Variants in ADK observed in about 807,000 individuals in gnomAD.
The protein encoded by ADK is adenosine kinase, also known as N6,N6-dimethyladenosine kinase.
A neutral mutation model predicts 44.7 loss-of-function variants in ADK; 24 were observed. The ratio of observed to expected loss-of-function variants is 0.54; its 90% confidence interval spans 0.39 to 0.76. The LOEUF (loss-of-function observed/expected upper bound fraction) is 0.76, where lower values mean the gene tolerates loss of function less well. ADK is among the 30% of genes least tolerant of loss of function. The probability of loss-of-function intolerance (pLI) is 0.00; values close to 1 mark genes in which losing one functional copy is unlikely to be tolerated. For missense variants in ADK, 321 were observed against 425.1 expected, an observed-to-expected ratio of 0.76 and a Z score of 2.15; for synonymous variants, 128 against 142.6, an observed-to-expected ratio of 0.90 and a Z score of 0.73.
At chr10:74,186,447 TTTTTTTGTA>T (rs1157606734) in intron 1 of ADK, among the ~76,000 whole-genome samples, 1 of 151,786 alleles carries the variant, frequency 6.6e-6, no homozygotes, top group Non-Finnish European at 1.5e-5. Context: ...GCCTGGCTAT[TTTTTTTGTA>T]TTTTTTGTAA....
intron 8 of ADK, among the ~76,000 whole-genome samples, chr10:74,597,064 A>G (rs1851951066): frequency 6.6e-6 from 1 of 152,230 alleles, no homozygotes; most frequent in Non-Finnish European, 1.5e-5. Flanking sequence ...TGAATGTTCC[A>G]TATTCAAAAC....
chr10:74,549,434 A>T lies in ADK; in HGVS notation c.726+24008A>T, dbSNP rs370938819. On this transcript the variant is annotated intron_variant, in intron 7 of 10. Transcript: ENST00000539909. The stretch of plus-strand genomic sequence containing the variant: ...TTACTTACTAGATTGTAAATTAATT[A>T]ATTTATTTATTTATTTAGAGACAGG... Among the ~76,000 whole-genome samples the T allele has an allele frequency of 5.7e-4, 87 of 152,218 alleles. 1 individual carries two copies. The highest frequency in any genetic ancestry group is 6.8e-3 in the Middle Eastern group (2 of 294).
intron 5 of ADK, among the ~76,000 whole-genome samples, chr10:74,398,235 G>A (rs956889932): frequency 1.3e-5 from 2 of 152,094 alleles, no homozygotes; most frequent in Admixed American, 6.5e-5. Flanking sequence ...CAACTTAAAT[G>A]CCAATTTCTT....
intron 9 of ADK, among the ~76,000 whole-genome samples, chr10:74,620,095 T>C (rs1432349781): frequency 6.6e-6 from 1 of 152,196 alleles, no homozygotes; most frequent in East Asian, 1.9e-4. Context: ...ATCTCAAACA[T>C]TTATCATTTC....
intron 9 of ADK, among the ~76,000 whole-genome samples, chr10:74,632,785 A>G (rs1356757660): frequency 6.6e-6 from 1 of 152,208 alleles, no homozygotes; most frequent in African/African-American, 2.4e-5. Flanking sequence ...ACATATAGAG[A>G]TACAACATTT....
intron 3 of ADK, among the ~76,000 whole-genome samples, chr10:74,310,518 G>C (rs570416906): frequency 1.3e-5 from 2 of 151,916 alleles, no homozygotes; most frequent in Non-Finnish European, 2.9e-5. Flanking sequence ...ATCACATCCT[G>C]TGTCTTCAAC....
chr10:74,335,111 C>T (rs926014793), intron 4 of ADK, among the ~76,000 whole-genome samples: 1 of 152,202 alleles, frequency 6.6e-6, no homozygotes, highest in South Asian at 2.1e-4. Context: ...TGATGCAACC[C>T]TCACATTTGT....
At position 74,219,637 on chromosome 10, in the gene ADK, A is replaced by G. The variant is rs1591877604; in HGVS notation, c.141-4901A>G. ...GTTGGAAGTAAAGCTCTCCTCAGCAAATGTAAAAGAACAGAAATTATAACA... is the reference window on the plus strand; with the variant it reads ...GTTGGAAGTAAAGCTCTCCTCAGCAGATGTAAAAGAACAGAAATTATAACA... On this transcript the variant is annotated intron_variant, in intron 2 of 10. Coordinates refer to ENST00000539909, the MANE Select transcript of ADK (RefSeq NM_006721.4). Among the ~76,000 whole-genome samples, 11 of 152,248 alleles carry G rather than the reference A, an allele frequency of 7.2e-5. 1 individual carries two copies. In the South Asian group the frequency reaches 2.3e-3, roughly 32 times the overall value.
chr10:74,519,152 G>A (rs1359504787), intron 6 of ADK, among the ~76,000 whole-genome samples: 1 of 151,740 alleles, frequency 6.6e-6, no homozygotes, highest in African/African-American at 2.4e-5. Flanking sequence ...AAAATTATTA[G>A]ATTTTAACCT....
At chr10:74,490,007 A>G (rs1312120988) in intron 6 of ADK, among the ~76,000 whole-genome samples, 2 of 117,340 alleles carry the variant, frequency 1.7e-5, no homozygotes, top group Non-Finnish European at 3.9e-5. Context: ...TTTTATCTTT[A>G]ATAGTGTTTG....
intron 6 of ADK, among the ~76,000 whole-genome samples, chr10:74,480,737 G>A (rs995636530): frequency 6.6e-6 from 1 of 151,556 alleles, no homozygotes; most frequent in Non-Finnish European, 1.5e-5. Context: ...TTCCAGGTAT[G>A]CAATAATAAG....
At chr10:74,521,726 C>T (rs2133597745) in intron 6 of ADK, among the ~76,000 whole-genome samples, 1 of 152,296 alleles carries the variant, frequency 6.6e-6, no homozygotes, top group African/African-American at 2.4e-5. Flanking sequence ...GCTGTATAAA[C>T]TGTTCGTTTT....
chr10:74,324,338 A>G lies in ADK; in HGVS notation c.273+9593A>G, dbSNP rs542609755. On this transcript the variant is annotated intron_variant, in intron 4 of 10. Transcript: ENST00000539909. ...AGCCACTGTGCACAGCCTTTCACCA[A>G]TTGTCAAAAACTTATTCATGTATGT... 5.9e-5 allele frequency among the ~76,000 whole-genome samples: 9 copies of G among 152,246 alleles called. 1 individual carries two copies. In the South Asian group the frequency reaches 1.7e-3, roughly 28 times the overall value.
At chr10:74,199,442 T>C (rs1843292397) in intron 1 of ADK, among the ~76,000 whole-genome samples, 1 of 152,190 alleles carries the variant, frequency 6.6e-6, no homozygotes, top group South Asian at 2.1e-4. Context: ...AAACATGTGA[T>C]ATTTGGCTTT....
At chr10:74,424,964 C>A (rs1844739733) in intron 6 of ADK, among the ~76,000 whole-genome samples, 2 of 152,186 alleles carry the variant, frequency 1.3e-5, no homozygotes, top group South Asian at 4.2e-4. Flanking sequence ...TTGTGCCTAG[C>A]CTAATATTTA....
intron 8 of ADK, among the ~76,000 whole-genome samples, chr10:74,592,529 C>T (rs1851759009): frequency 6.6e-6 from 1 of 152,070 alleles, no homozygotes; most frequent in Non-Finnish European, 1.5e-5. Flanking sequence ...AGAATTCATA[C>T]CTTCTCTATT....
intron 10 of ADK, among the ~76,000 whole-genome samples, chr10:74,680,085 C>A (rs1166684170): frequency 6.6e-6 from 1 of 152,046 alleles, no homozygotes; most frequent in African/African-American, 2.4e-5. Context: ...GAGGCCAAGA[C>A]GGGCAGATCA....
At chr10:74,222,448 T>A (rs1844348703) in intron 2 of ADK, among the ~76,000 whole-genome samples, 1 of 151,726 alleles carries the variant, frequency 6.6e-6, no homozygotes, top group Non-Finnish European at 1.5e-5. Context: ...TGGAAGTCAG[T>A]GTGGCGATTC....
At chr10:74,648,293 T>G (rs947495275) in intron 9 of ADK, among the ~76,000 whole-genome samples, 39 of 152,132 alleles carry the variant, frequency 2.6e-4, no homozygotes, top group African/African-American at 8.2e-4. Flanking sequence ...CTGAAAGCCA[T>G]ATGAAGAAAT....
Sources: gnomAD v4.1 joint callset for allele counts (sites outside exome capture counted in the v4.1 genomes callset) on GRCh38, gnomAD v4.1.1 for gene constraint, MANE v1.5 for transcripts, NCBI Gene and HGNC (gene_info 2026-07-23, HGNC 2026-07-21) for gene names.